The following SLC22A3 variants were observed in gnomAD, a reference collection of about 807,000 sequenced individuals.
SLC22A3 encodes solute carrier family 22 member 3.
SLC22A3 carries 51 observed loss-of-function variants against 59.1 expected under a neutral mutation model. That is an observed-to-expected ratio of 0.86 (90% CI 0.69 to 1.09). The LOEUF (loss-of-function observed/expected upper bound fraction) is 1.09, where lower values mean the gene tolerates loss of function less well. Among genes scored for constraint, SLC22A3 ranks in the 50% least tolerant of loss-of-function variants. SLC22A3 has a pLI of 0.00. For synonymous variants in SLC22A3, 325 were observed against 292.0 expected, an observed-to-expected ratio of 1.11 and a Z score of -1.15; for missense variants, 711 against 726.3, an observed-to-expected ratio of 0.98 and a Z score of 0.24.
At chr6:160,366,777 A>T (rs1351463266) in intron 1 of SLC22A3, among the ~76,000 whole-genome samples, 1 of 152,146 alleles carries the variant, frequency 6.6e-6, no homozygotes, top group Non-Finnish European at 1.5e-5. Context: ...GACCAACACC[A>T]CATGAAAGCT....
chr6:160,370,588 ACT>A (rs1785365994), intron 1 of SLC22A3, among the ~76,000 whole-genome samples: 1 of 152,146 alleles, frequency 6.6e-6, no homozygotes, highest in Non-Finnish European at 1.5e-5. Context: ...GTTATACTAT[ACT>A]CTCTATTCTA....
At chr6:160,357,487 T>C (rs1385377637) in intron 1 of SLC22A3, among the ~76,000 whole-genome samples, 1 of 152,156 alleles carries the variant, frequency 6.6e-6, no homozygotes, top group Non-Finnish European at 1.5e-5. Context: ...AGCTGATGCT[T>C]CTGAGACAGA....
intron 1 of SLC22A3, among the ~76,000 whole-genome samples, chr6:160,361,105 A>C (rs1007149825): frequency 6.6e-6 from 1 of 152,242 alleles, no homozygotes; most frequent in Non-Finnish European, 1.5e-5. Context: ...GACTCCACCC[A>C]GGGGAACATC....
chr6:160,391,671 C>T, intron 1 of SLC22A3, among the ~76,000 whole-genome samples: 1 of 152,122 alleles, frequency 6.6e-6, no homozygotes, highest in East Asian at 1.9e-4. Context: ...TTTAGACAGT[C>T]TCAGTTATTT....
intron 1 of SLC22A3, among the ~76,000 whole-genome samples, chr6:160,367,997 C>G (rs1296908375): frequency 6.6e-6 from 1 of 152,084 alleles, no homozygotes; most frequent in Non-Finnish European, 1.5e-5. Flanking sequence ...GCTGAGAGCA[C>G]TGCTGGAGAC....
intron 1 of SLC22A3, among the ~76,000 whole-genome samples, chr6:160,372,831 TG>T (rs1785450018): frequency 6.6e-6 from 1 of 152,240 alleles, no homozygotes; most frequent in African/African-American, 2.4e-5. Flanking sequence ...TCTCATGCTG[TG>T]TTTTTTAGCT....
intron 1 of SLC22A3, among the ~76,000 whole-genome samples, chr6:160,364,305 G>A (rs1331824735): frequency 3.9e-5 from 6 of 152,188 alleles, no homozygotes; most frequent in African/African-American, 1.4e-4. Flanking sequence ...CTAAAGGTGA[G>A]AGCTTTTCAA....
chr6:160,449,431 C>T (rs927924828), intron 10 of SLC22A3, among the ~76,000 whole-genome samples: 1 of 151,860 alleles, frequency 6.6e-6, no homozygotes, highest in East Asian at 1.9e-4. Flanking sequence ...AGTCTCTATA[C>T]ATGAAAAAAA....
rs906980790 is a variant in SLC22A3 at position 160,436,765 on chromosome 6, G to A, written c.976-15G>A. The A allele has an allele frequency of 1.3e-6, 2 of 1,550,142 alleles. No homozygotes were observed. The highest frequency in any genetic ancestry group is 1.7e-5 in the Admixed American group (1 of 59,760). On this transcript the variant is annotated splice_polypyrimidine_tract_variant and intron_variant, in intron 5 of 10. Transcript: ENST00000275300. ...TTTCTGTCTATTGCTACTGAAATCT[G>A]CTTTTCTTATATAGATCACTGTTAC...
intron 1 of SLC22A3, among the ~76,000 whole-genome samples, chr6:160,351,812 T>C (rs1784671087): frequency 6.6e-6 from 1 of 152,180 alleles, no homozygotes; most frequent in Non-Finnish European, 1.5e-5. Context: ...CCTGGCTTCA[T>C]AGAAGAGAGA....
intron 1 of SLC22A3, among the ~76,000 whole-genome samples, chr6:160,378,767 G>A (rs1785688678): frequency 6.6e-6 from 1 of 152,136 alleles, no homozygotes; most frequent in South Asian, 2.1e-4. Flanking sequence ...CTGCAGTCGG[G>A]CAAAATTATC....
At chr6:160,366,652 T>C (rs1034934644) in intron 1 of SLC22A3, among the ~76,000 whole-genome samples, 2 of 152,214 alleles carry the variant, frequency 1.3e-5, no homozygotes, top group African/African-American at 4.8e-5. Flanking sequence ...AGGTTCTTCA[T>C]GAGGGCTGTG....
intron 2 of SLC22A3, among the ~76,000 whole-genome samples, chr6:160,403,072 A>G (rs1256087319): frequency 8.6e-5 from 13 of 151,716 alleles, no homozygotes; most frequent in Admixed American, 8.6e-4. Flanking sequence ...ACAGGAAATC[A>G]AGGGAGAAAA....
chr6:160,429,355 TGAA>T (rs1277816933), intron 5 of SLC22A3, among the ~76,000 whole-genome samples: 3 of 152,224 alleles, frequency 2.0e-5, no homozygotes, highest in Admixed American at 6.5e-5. Flanking sequence ...CGGCAACTGA[TGAA>T]GAAGTCTCCT....
chr6:160,359,124 A>G (rs1784936317), intron 1 of SLC22A3, among the ~76,000 whole-genome samples: 1 of 152,214 alleles, frequency 6.6e-6, no homozygotes, highest in Admixed American at 6.5e-5. Context: ...GGCAGTTGCA[A>G]TGGTCCTATA....
At chr6:160,448,356 T>A (rs1246374388) in intron 10 of SLC22A3, among the ~76,000 whole-genome samples, 1 of 152,082 alleles carries the variant, frequency 6.6e-6, no homozygotes, top group Non-Finnish European at 1.5e-5. Flanking sequence ...AGGTAGATGA[T>A]AGATAATAGG....
intron 9 of SLC22A3, among the ~76,000 whole-genome samples, chr6:160,444,795 A>G (rs1484002203): frequency 6.6e-6 from 1 of 152,232 alleles, no homozygotes; most frequent in Non-Finnish European, 1.5e-5. Context: ...TGAAATTTGA[A>G]TGAAAATACT....
chr6:160,445,839 G>A (rs1054796036), intron 9 of SLC22A3, among the ~76,000 whole-genome samples: 14 of 152,292 alleles, frequency 9.2e-5, no homozygotes, highest in African/African-American at 2.2e-4. Flanking sequence ...CTCTGTGTCC[G>A]CTGTGCATAA....
chr6:160,380,801 A>G (rs1785767650), intron 1 of SLC22A3, among the ~76,000 whole-genome samples: 1 of 152,230 alleles, frequency 6.6e-6, no homozygotes, highest in Non-Finnish European at 1.5e-5. Flanking sequence ...AAACAGGGAC[A>G]CATAGACTGA....
Sources: allele counts gnomAD v4.1 joint callset (sites outside exome capture counted in the v4.1 genomes callset), GRCh38; gene constraint gnomAD v4.1.1; transcripts MANE v1.5; gene names NCBI Gene and HGNC (gene_info 2026-07-23, HGNC 2026-07-21).